The following FBXL22 variants were observed in gnomAD, a reference collection of about 807,000 sequenced individuals.
FBXL22 encodes the protein F-box and leucine-rich protein 22.
Under a neutral mutation model 11.7 loss-of-function variants are expected in FBXL22, and 13 were observed. The ratio of observed to expected loss-of-function variants is 1.11; its 90% CI spans 0.73 to 1.77. The LOEUF (loss-of-function observed/expected upper bound fraction) is 1.77. FBXL22 is among the 40% of genes most tolerant of loss of function. FBXL22 has a pLI of 0.00. For synonymous variants in FBXL22, 160 were observed against 144.1 expected (o/e 1.11, Z -0.79); for missense variants, 406 against 320.4 (o/e 1.27, Z -2.04).
chr15:63,603,297 C>T (rs1425022282), downstream of FBXL22, among the ~76,000 whole-genome samples: 2 of 152,216 alleles, frequency 1.3e-5, no homozygotes, highest in African/African-American at 4.8e-5. Flanking sequence ...TGCATGCCTT[C>T]CTTATCAAGT....
intron 1 of FBXL22, chr15:63,599,465 G>C (rs2067328926): frequency 8.0e-7 from 1 of 1,252,752 alleles, no homozygotes; most frequent in Non-Finnish European, 1.0e-6. Context: ...TCCTGGGTCT[G>C]ACAGCAAATA....
At chr15:63,604,968 C>T (rs985957124), downstream of FBXL22, among the ~76,000 whole-genome samples, 1 of 152,146 alleles carries the variant, frequency 6.6e-6, no homozygotes, top group African/African-American at 2.4e-5. Flanking sequence ...GGGAGAATCG[C>T]TTGAACCCGG....
At chr15:63,604,041 C>T (rs981488945), downstream of FBXL22, among the ~76,000 whole-genome samples, 3 of 152,146 alleles carry the variant, frequency 2.0e-5, no homozygotes, top group Non-Finnish European at 4.4e-5. Flanking sequence ...CAAAAAGCCC[C>T]AATTTCTAGT....
chr15:63,600,550 T>C (rs1230262466), intron 1 of FBXL22, 147 bp from the exon 2 acceptor site: 10 of 1,229,464 alleles, frequency 8.1e-6, no homozygotes, highest in East Asian at 3.2e-5. Flanking sequence ...GAAAGCCGAC[T>C]TGGAACCCTG....
downstream of FBXL22, chr15:63,601,713 C>T: frequency 6.3e-7 from 1 of 1,595,960 alleles, no homozygotes; most frequent in Non-Finnish European, 8.5e-7. Flanking sequence ...AGAAAATTCG[C>T]TCCCAATTGT....
At chr15:63,600,205 T>G in intron 1 of FBXL22, 1 of 986,782 alleles carries the variant, frequency 1.0e-6, no homozygotes, top group South Asian at 4.7e-5. Context: ...CCTTGAGGGT[T>G]GGGATGGGCC....
At chr15:63,598,644 C>A (rs908558484) in intron 1 of FBXL22, among the ~76,000 whole-genome samples, 1 of 152,176 alleles carries the variant, frequency 6.6e-6, no homozygotes, top group Non-Finnish European at 1.5e-5. Flanking sequence ...CCTGGCTGTT[C>A]ATGGAAAACT....
At chr15:63,601,864 A>T, downstream of FBXL22, 4 of 866,936 alleles carry the variant, frequency 4.6e-6, no homozygotes, top group Non-Finnish European at 6.7e-6. Flanking sequence ...TGATAATGGA[A>T]CCATTATAAG....
At chr15:63,600,580 T>C in intron 1 of FBXL22, 117 bp from the exon 2 acceptor site, 1 of 1,229,742 alleles carries the variant, frequency 8.1e-7, no homozygotes, top group African/African-American at 1.6e-5. Context: ...CGCAGCCAAG[T>C]GTCTTCACCT....
downstream of FBXL22, among the ~76,000 whole-genome samples, chr15:63,607,138 C>T (rs537921901): frequency 3.3e-5 from 5 of 151,658 alleles, no homozygotes; most frequent in South Asian, 4.2e-4. Context: ...CTCTGCCTCT[C>T]GGGTTCATGC....
rs1273140809 is a variant in FBXL22, at chr15:63,601,064, G to A, written c.*25G>A. The stretch of plus-strand genomic sequence containing the variant: ...GACGCCGCCCCGCCGCTGCCCCCGG[G>A]GAAGGAGCGCAGCCCCAGACCGTCC... On this transcript the variant is annotated 3_prime_UTR_variant, in exon 2 of 2. Transcript: ENST00000638704. 4.8e-5 allele frequency: 59 copies of A among 1,232,158 alleles called. No individual in the cohort carries two copies. The highest frequency in any genetic ancestry group is 5.8e-5 in the Non-Finnish European group (57 of 988,166). The allele number at this position is 1,232,158 out of a possible 1,614,324, so 76.3% of individuals were successfully genotyped here.
chr15:63,603,868 C>G, downstream of FBXL22, among the ~76,000 whole-genome samples: 1 of 152,326 alleles, frequency 6.6e-6, no homozygotes, highest in East Asian at 1.9e-4. Context: ...GGTGATTTCT[C>G]AGTTTGCCCA....
At chr15:63,605,915 A>C (rs1315535421), downstream of FBXL22, among the ~76,000 whole-genome samples, 1 of 152,234 alleles carries the variant, frequency 6.6e-6, no homozygotes. Context: ...CCAGGGCCAC[A>C]GGCTCTTAGG....
At chr15:63,605,751 G>A (rs1195551745), downstream of FBXL22, among the ~76,000 whole-genome samples, 2 of 152,208 alleles carry the variant, frequency 1.3e-5, no homozygotes, top group Non-Finnish European at 2.9e-5. Context: ...CTCTTTCTAA[G>A]GTTTGGCCAA....
intron 1 of FBXL22, chr15:63,599,663 C>A (rs1461912914): frequency 8.1e-6 from 8 of 988,068 alleles, no homozygotes; most frequent in Non-Finnish European, 9.6e-6. Context: ...AGGAGCCGAG[C>A]TGGCACAGCC....
chr15:63,597,635 C>T lies in FBXL22; in HGVS notation c.243C>T (p.Ser81=), dbSNP rs557600125. The T allele has an allele frequency of 6.2e-7, 1 of 1,613,448 alleles. No homozygotes were observed. Among genetic ancestry groups the T allele is most frequent in the Non-Finnish European group, 8.5e-7 (1 of 1,179,998 alleles). ...GCCTCTCCATCTGCTGGCACTCCAG[C>T]CGCGTGCAGGTGTGCAGCATTGAGG... The part of the protein sequence containing the change: ...LRSLSICWHS[S]RVQVCSIEDW... Residue 81 remains serine (S), a synonymous_variant, in exon 1 of 2, where the codon AGC becomes AGT. Coordinates refer to ENST00000638704, the MANE Select transcript of FBXL22 (RefSeq NM_001367807.1). The surrounding 1 kb of genome is among the most constrained non-coding windows in gnomAD (Gnocchi z 4.3).
chr15:63,607,906 T>G, the FBXL22 span, among the ~76,000 whole-genome samples: 1 of 152,186 alleles, frequency 6.6e-6, no homozygotes. Flanking sequence ...AAACACAGGC[T>G]CACCCTGATG....
In FBXL22 at chr15:63,600,740, G is replaced by C; in HGVS notation, c.397G>C (p.Val133Leu). 8.9e-6 allele frequency: 11 copies of C among 1,231,482 alleles called. No individual in the cohort carries two copies. The highest frequency in any genetic ancestry group is 1.1e-5 in the Non-Finnish European group (11 of 987,780). The allele number at this position is 1,231,482 out of a possible 1,614,324, so 76.3% of individuals were successfully genotyped here. A position where few individuals can be genotyped will look rare whatever the true frequency, so the allele number is the denominator to read the frequency against. The change falls in exon 2 of 2, where the codon GTT becomes CTT. Residue 133 changes from valine to leucine, a missense_variant. Coordinates refer to ENST00000638704, the MANE Select transcript of FBXL22 (RefSeq NM_001367807.1). ...CGTCACGCTCTCGGGCTGCGGCCAC[G>C]TTACCGACGACTGCCTGGCGCGCCT... ...ASVTLSGCGH[V>L]TDDCLARLLR...
downstream of FBXL22, chr15:63,602,270 A>C (rs550012685): frequency 6.6e-6 from 1 of 152,420 alleles, no homozygotes; most frequent in Non-Finnish European, 1.5e-5. Flanking sequence ...GGAAGAGACA[A>C]CAGGTAACTG....
Sources: allele counts gnomAD v4.1 joint callset (sites outside exome capture counted in the v4.1 genomes callset), GRCh38; gene constraint gnomAD v4.1.1; non-coding constraint Gnocchi (gnomAD v3.1); transcripts MANE v1.5; gene names NCBI Gene and HGNC (gene_info 2026-07-23, HGNC 2026-07-21).